TRIP12: variants seen among roughly 807,000 people sequenced by gnomAD.
The protein encoded by TRIP12 is thyroid hormone receptor interactor 12.
In TRIP12, 25 loss-of-function variants were observed where a neutral mutation model predicts 244.2. The observed-to-expected ratio is 0.10, with a 90% CI of 0.07 to 0.14. The LOEUF (loss-of-function observed/expected upper bound fraction) is 0.14, where lower values mean the gene tolerates loss of function less well. TRIP12 is among the 10% of genes least tolerant of loss of function. The pLI, the probability that TRIP12 is intolerant of heterozygous loss-of-function variation, is 1.00. For synonymous variants in TRIP12, 905 were observed against 873.1 expected, an observed-to-expected ratio of 1.04 and a Z score of -0.64; for missense variants, 1,677 against 2,486.4, an observed-to-expected ratio of 0.67 and a Z score of 6.92.
chr2:229,922,758 C>A, upstream of TRIP12: 1 of 739,978 alleles, frequency 1.4e-6, no homozygotes, highest in Non-Finnish European at 2.2e-6. Context: ...TCCTCGTCAC[C>A]TCGGCCTCCT....
At position 229,792,040 on chromosome 2, in the gene TRIP12, T is replaced by A. The variant is rs774066497; in HGVS notation, c.4241A>T (p.Asn1414Ile). Residue 1414 changes from asparagine (N) to isoleucine (I), a missense_variant, in exon 29 of 42, where the codon AAT becomes ATT. This residue lies in a region of TRIP12 where 265 missense variants were observed against 370.8 expected (regional missense o/e 0.71). Transcript: ENST00000675903. Reference protein sequence around the residue: ...SLAAQFLNSGNVRHRLQFYIG... With the variant: ...SLAAQFLNSGIVRHRLQFYIG... ...ATAAAACTGCAGCCTGTGTCTTACA[T>A]TTCCTGAATTTAGGAACTGAGCAGC... 11 of 1,614,024 alleles carry A rather than the reference T, an allele frequency of 6.8e-6. No individual in the cohort carries two copies. Among genetic ancestry groups the A allele is most frequent in the Non-Finnish European group, 9.3e-6 (11 of 1,179,988 alleles).
chr2:229,868,462 C>G (rs893560782), intron 2 of TRIP12, among the ~76,000 whole-genome samples: 1 of 152,178 alleles, frequency 6.6e-6, no homozygotes, highest in African/African-American at 2.4e-5. Context: ...TTCAGCCTCC[C>G]AAAGTACTGA....
At chr2:229,911,127 T>C (rs965935141) in intron 1 of TRIP12, among the ~76,000 whole-genome samples, 1 of 152,248 alleles carries the variant, frequency 6.6e-6, no homozygotes, top group African/African-American at 2.4e-5. Flanking sequence ...ACAGGCACTC[T>C]TGTGCTACAG....
chr2:229,901,661 T>A (rs2070906321), intron 1 of TRIP12, among the ~76,000 whole-genome samples: 1 of 151,970 alleles, frequency 6.6e-6, no homozygotes, highest in South Asian at 2.1e-4. Flanking sequence ...TTTTTACTGT[T>A]ACCCTACTTC....
At chr2:229,831,102 T>C (rs527458052) in intron 6 of TRIP12, 3 of 711,158 alleles carry the variant, frequency 4.2e-6, no homozygotes, top group African/African-American at 1.8e-5. Flanking sequence ...AAATTTCTTG[T>C]GCCGTTGAAA....
intron 1 of TRIP12, among the ~76,000 whole-genome samples, chr2:229,884,440 T>C (rs899309996): frequency 1.3e-5 from 2 of 151,944 alleles, no homozygotes; most frequent in African/African-American, 4.8e-5. Context: ...TTTCATCTTG[T>C]TGGCCAGGCT....
At chr2:229,867,896 G>GC (rs540508471) in intron 2 of TRIP12, among the ~76,000 whole-genome samples, 52 of 152,112 alleles carry the variant, frequency 3.4e-4, no homozygotes, top group Non-Finnish European at 4.4e-4. Context: ...TACTTTGTAG[G>GC]CCCCCCCAAA....
At chr2:229,806,110 C>A in intron 17 of TRIP12, 2 of 361,180 alleles carry the variant, frequency 5.5e-6, no homozygotes, top group Non-Finnish European at 1.0e-5. Flanking sequence ...TTATCAGGGA[C>A]CCTTAGACAT....
In TRIP12 at chr2:229,802,349, T is replaced by C; in HGVS notation, c.3109A>G (p.Ser1037Gly). 1 of 1,613,866 alleles carries C rather than the reference T, an allele frequency of 6.2e-7. No homozygotes were observed. Among genetic ancestry groups the C allele is most frequent in the Non-Finnish European group, 8.5e-7 (1 of 1,179,914 alleles). Reference sequence around the variant, plus strand: ...TGAGTGGCAGCTGTGGCTGTCCCACTGCTGACTGAAGTTGTGGATCCCATG... The same window carrying C: ...TGAGTGGCAGCTGTGGCTGTCCCACCGCTGACTGAAGTTGTGGATCCCATG... ...GSMGSTTSVSSGTATAATHAA... is the reference protein window; with the variant it reads ...GSMGSTTSVSGGTATAATHAA... The change falls in exon 21 of 42, where the codon AGT (serine) becomes GGT (glycine). Residue 1037 changes from serine to glycine, a missense_variant. Ser to Gly is a moderately conservative substitution (Grantham distance 56). Coordinates refer to ENST00000675903, the MANE Select transcript of TRIP12 (RefSeq NM_001348323.3).
intron 2 of TRIP12, among the ~76,000 whole-genome samples, chr2:229,861,668 T>C (rs1040298438): frequency 5.9e-5 from 9 of 152,278 alleles, no homozygotes; most frequent in Non-Finnish European, 1.2e-4. Flanking sequence ...AGTACAACCA[T>C]CTGTTCCAAA....
At chr2:229,832,703 G>T (rs918020157) in intron 6 of TRIP12, among the ~76,000 whole-genome samples, 3 of 152,180 alleles carry the variant, frequency 2.0e-5, no homozygotes, top group Non-Finnish European at 4.4e-5. Flanking sequence ...AGCTAGTTAT[G>T]GCTGAGAGAT....
At chr2:229,906,768 G>A (rs752295365) in intron 1 of TRIP12, among the ~76,000 whole-genome samples, 2 of 150,244 alleles carry the variant, frequency 1.3e-5, no homozygotes, top group African/African-American at 2.4e-5. Context: ...ATCCTCTAGC[G>A]ATTAAAAAAA....
At chr2:229,921,338 G>C (rs1035981534) in intron 1 of TRIP12, 1 of 152,850 alleles carries the variant, frequency 6.5e-6, no homozygotes, top group Admixed American at 6.5e-5. Context: ...TGTCACTGGA[G>C]CTGCTTCCTA....
chr2:229,869,095 G>C (rs2062064389), intron 2 of TRIP12, among the ~76,000 whole-genome samples: 1 of 152,180 alleles, frequency 6.6e-6, no homozygotes, highest in Non-Finnish European at 1.5e-5. Flanking sequence ...CACTGACCTG[G>C]ACAGACAACC....
rs1559332357 is a variant in TRIP12, at chr2:229,777,479, C to T, written c.5365G>A (p.Val1789Met). 1 of 1,613,558 alleles carries T rather than the reference C, an allele frequency of 6.2e-7. No homozygotes were observed. The highest frequency in any genetic ancestry group is 8.5e-7 in the Non-Finnish European group (1 of 1,179,612). The change falls in exon 37 of 42, where the codon GTG (valine) becomes ATG (methionine). Residue 1789 changes from valine (V) to methionine (M), a missense_variant and splice_region_variant. Physicochemically the swap from Val to Met is conservative, Grantham distance 21 (BLOSUM62 1). Transcript: ENST00000675903. ...MAKAIMDFRL[V>M]DLPLGLPFYK... ...AAGGGTAAGCCAAGGGGAAGGTCCA[C>T]CTGAAATGGAATATGCATAATATTT...
intron 7 of TRIP12, among the ~76,000 whole-genome samples, chr2:229,829,769 T>C (rs1056158871): frequency 3.9e-5 from 6 of 152,072 alleles, no homozygotes; most frequent in South Asian, 4.1e-4. Context: ...GCCAACATGA[T>C]GAAAGCCCGC....
intron 9 of TRIP12, among the ~76,000 whole-genome samples, chr2:229,817,524 T>C (rs1391453587): frequency 6.6e-6 from 1 of 152,214 alleles, no homozygotes; most frequent in African/African-American, 2.4e-5. Flanking sequence ...ATCTATCATA[T>C]CAAAATATCA....
intron 8 of TRIP12, among the ~76,000 whole-genome samples, chr2:229,828,771 A>AT (rs1280521885): frequency 2.0e-5 from 3 of 147,176 alleles, no homozygotes; most frequent in Non-Finnish European, 4.4e-5. Flanking sequence ...CATCTCAAAA[A>AT]AAATATATAT....
intron 2 of TRIP12, among the ~76,000 whole-genome samples, chr2:229,864,047 A>AGAGTGAGTGAGTGT: frequency 1.3e-5 from 1 of 79,292 alleles, no homozygotes; most frequent in Non-Finnish European, 2.5e-5. Flanking sequence ...AGAGAGAGAG[A>AGAGTGAGTGAGTGT]GTGTGTGTGT....
Sources: gnomAD v4.1 joint callset for allele counts (sites outside exome capture counted in the v4.1 genomes callset) on GRCh38, gnomAD v4.1.1 for gene constraint, gnomAD v4.1.1 regional missense constraint, MANE v1.5 for transcripts, NCBI Gene and HGNC (gene_info 2026-07-23, HGNC 2026-07-21) for gene names.